Variants in SAMD5 observed in about 807,000 individuals in gnomAD.
SAMD5 encodes sterile alpha motif domain-containing protein 5.
A neutral mutation model predicts 11.3 loss-of-function variants in SAMD5; 13 were observed. The ratio of observed to expected loss-of-function variants is 1.15; its 90% confidence interval spans 0.75 to 1.83. The LOEUF is 1.83. Among genes scored for constraint, SAMD5 ranks in the 40% most tolerant of loss-of-function variants. The probability of loss-of-function intolerance (pLI) is 0.00; values close to 1 mark genes in which losing one functional copy is unlikely to be tolerated. For missense variants in SAMD5, 255 were observed against 239.1 expected, an observed-to-expected ratio of 1.07 and a Z score of -0.44; for synonymous variants, 129 against 111.3, an observed-to-expected ratio of 1.16 and a Z score of -1.00.
At chr6:147,789,251 G>A in the SAMD5 span, among the ~76,000 whole-genome samples, 86 of 150,482 alleles carry the variant, frequency 5.7e-4, no homozygotes, top group African/African-American at 2.0e-3. Context: ...CAGCCTGGAC[G>A]ATGGCATAAG....
In SAMD5 at chr6:147,711,226, A is replaced by G. The variant is rs1355587031; in HGVS notation, c.163-26091A>G. ...TTTGAAGCAGGAATTATTATCTCTA[A>G]TTACAGATGAGGAAAGTGGGCCTCG... On this transcript the variant is annotated intron_variant, in intron 1 of 1. Transcript: ENST00000566741. The surrounding 1 kb of genome is among the most constrained non-coding windows in gnomAD (Gnocchi z 4.1). Among the ~76,000 whole-genome samples, 2 of 152,122 alleles carry G rather than the reference A, an allele frequency of 1.3e-5. No individual in the cohort carries two copies. The highest frequency in any genetic ancestry group is 2.9e-5 in the Non-Finnish European group (2 of 68,032).
At chr6:147,905,286 A>AT in the SAMD5 span, among the ~76,000 whole-genome samples, 1 of 151,882 alleles carries the variant, frequency 6.6e-6, no homozygotes, top group African/African-American at 2.4e-5. Flanking sequence ...GGTTCAAGTG[A>AT]TTGTCCTGCC....
intron 1 of SAMD5, among the ~76,000 whole-genome samples, chr6:147,734,425 T>C (rs1438241838): frequency 6.6e-6 from 1 of 152,102 alleles, no homozygotes; most frequent in Non-Finnish European, 1.5e-5. Flanking sequence ...TATTAAGATT[T>C]AGAGACCCAG....
At chr6:147,582,747 T>C (rs1437560147) in intron 1 of SAMD5, among the ~76,000 whole-genome samples, 1 of 152,248 alleles carries the variant, frequency 6.6e-6, no homozygotes, top group African/African-American at 2.4e-5. Flanking sequence ...TGCATGATTC[T>C]AATTTTGAAA....
chr6:147,862,010 ATCC>A, the SAMD5 span, among the ~76,000 whole-genome samples: 2 of 152,146 alleles, frequency 1.3e-5, no homozygotes, highest in East Asian at 1.9e-4. Flanking sequence ...GCCAGAAAGT[ATCC>A]TCACTAAGAA....
the SAMD5 span, among the ~76,000 whole-genome samples, chr6:147,760,772 A>C: frequency 6.6e-6 from 1 of 152,196 alleles, no homozygotes; most frequent in Non-Finnish European, 1.5e-5. Context: ...TTCTAGATTC[A>C]ATTTGCTTAA....
At chr6:147,662,079 C>A (rs73010150) in intron 1 of SAMD5, among the ~76,000 whole-genome samples, 6,369 of 152,294 alleles carry the variant, frequency 0.042, 151 homozygotes, top group South Asian at 0.054. Context: ...AGCAGCAAAG[C>A]CCCGATGACC....
At chr6:147,801,598 C>T in the SAMD5 span, among the ~76,000 whole-genome samples, 1 of 152,244 alleles carries the variant, frequency 6.6e-6, no homozygotes, top group Admixed American at 6.5e-5. Flanking sequence ...CTGAATGAAA[C>T]AACTGTTTTC....
intron 1 of SAMD5, among the ~76,000 whole-genome samples, chr6:147,648,574 T>C (rs576923209): frequency 2.8e-4 from 42 of 152,346 alleles, no homozygotes; most frequent in Admixed American, 5.9e-4. Context: ...TTTTAGCTGA[T>C]GTACAAGACC....
At chr6:147,521,897 T>C (rs1788260660) in intron 1 of SAMD5, among the ~76,000 whole-genome samples, 1 of 152,110 alleles carries the variant, frequency 6.6e-6, no homozygotes, top group South Asian at 2.1e-4. Flanking sequence ...CATTAAAAAA[T>C]AATTTGCTCA....
chr6:147,791,945 A>G, the SAMD5 span, among the ~76,000 whole-genome samples: 1 of 152,216 alleles, frequency 6.6e-6, no homozygotes, highest in African/African-American at 2.4e-5. Context: ...ATAGAATTGC[A>G]TAGGTGAAGC....
At chr6:147,652,347 T>G (rs994747229) in intron 1 of SAMD5, among the ~76,000 whole-genome samples, 1 of 152,164 alleles carries the variant, frequency 6.6e-6, no homozygotes, top group Admixed American at 6.6e-5. Context: ...ATTATAAGTG[T>G]TTTATAATAA....
chr6:147,939,804 C>T, the SAMD5 span, among the ~76,000 whole-genome samples: 101 of 149,362 alleles, frequency 6.8e-4, no homozygotes, highest in Non-Finnish European at 1.3e-3. Context: ...TATGAGATAC[C>T]CCAGCATTTT....
intron 1 of SAMD5, among the ~76,000 whole-genome samples, chr6:147,609,218 A>G (rs1476175591): frequency 6.6e-6 from 1 of 152,172 alleles, no homozygotes; most frequent in East Asian, 1.9e-4. Context: ...AGTGGGCCCT[A>G]ATCCAATATG....
chr6:147,791,230 G>T, the SAMD5 span, among the ~76,000 whole-genome samples: 2 of 152,084 alleles, frequency 1.3e-5, no homozygotes, highest in East Asian at 3.8e-4. Flanking sequence ...GGGAGGCAGA[G>T]GTTGCAGTGA....
At chr6:147,621,666 G>C (rs904178509) in intron 1 of SAMD5, among the ~76,000 whole-genome samples, 1 of 152,216 alleles carries the variant, frequency 6.6e-6, no homozygotes, top group African/African-American at 2.4e-5. Flanking sequence ...TCAGCTAGGG[G>C]TTCTCTGCCA....
chr6:147,683,617 C>T (rs1480462530), intron 1 of SAMD5, among the ~76,000 whole-genome samples: 1 of 152,052 alleles, frequency 6.6e-6, no homozygotes, highest in Non-Finnish European at 1.5e-5. Flanking sequence ...GATCACCTTC[C>T]TTGCAAGGTG....
At chr6:147,554,319 C>T (rs989399748) in intron 1 of SAMD5, among the ~76,000 whole-genome samples, 1 of 152,146 alleles carries the variant, frequency 6.6e-6, no homozygotes, top group Non-Finnish European at 1.5e-5. Context: ...GGTGGGGACA[C>T]AGCCAAACCA....
chr6:147,666,489 C>A lies in SAMD5; in HGVS notation c.163-70828C>A, dbSNP rs574868811. ...GCTAAAGCTTCAGGCCCTTCCTCCT[C>A]AGCTCCCTGTCAGAGAGCTTGCTTT... On this transcript the variant is annotated intron_variant, in intron 1 of 1. Transcript: ENST00000566741. 3.9e-5 allele frequency among the ~76,000 whole-genome samples: 6 copies of A among 152,272 alleles called. No individual in the cohort carries two copies. The East Asian group carries it at 1.2e-3, about 30-fold the overall frequency.
Sources: gnomAD v4.1 joint callset for allele counts (sites outside exome capture counted in the v4.1 genomes callset) on GRCh38, gnomAD v4.1.1 for gene constraint, Gnocchi (gnomAD v3.1) non-coding constraint, MANE v1.5 for transcripts, NCBI Gene and HGNC (gene_info 2026-07-23, HGNC 2026-07-21) for gene names.